The following KANSL3 variants were observed in gnomAD, a reference collection of about 807,000 sequenced individuals.
KANSL3 encodes the protein KAT8 regulatory NSL complex subunit 3, also known as NSL complex protein NSL3.
A neutral mutation model predicts 89.2 loss-of-function variants in KANSL3; 16 were observed. That is an observed-to-expected ratio of 0.18 (90% CI 0.12 to 0.27). The LOEUF (loss-of-function observed/expected upper bound fraction) is 0.27, where lower values mean the gene tolerates loss of function less well. Ranked by LOEUF, KANSL3 falls within the 10% of genes least tolerant of loss-of-function variation. The pLI, the probability that KANSL3 is intolerant of heterozygous loss-of-function variation, is 1.00. For synonymous variants in KANSL3, 385 were observed against 419.7 expected, an observed-to-expected ratio of 0.92 and a Z score of 1.01; for missense variants, 879 against 1,110.6, an observed-to-expected ratio of 0.79 and a Z score of 2.96.
Position 96,619,782 on chromosome 2 carries a change from G to A in KANSL3, c.387-20C>T. 1 of 1,541,890 alleles carries A rather than the reference G, an allele frequency of 6.5e-7. No individual in the cohort carries two copies. Among genetic ancestry groups the A allele is most frequent in the Non-Finnish European group, 8.8e-7 (1 of 1,137,994 alleles). ...CCAGTCCTATAAGGGAAACTCTGAG[G>A]AATTATAGTCAAACCCTGGGGACGC... On this transcript the variant is annotated intron_variant, in intron 3 of 20. Transcript: ENST00000431828.
At chr2:96,592,661 C>T (rs1215614861), downstream of KANSL3, among the ~76,000 whole-genome samples, 1 of 152,216 alleles carries the variant, frequency 6.6e-6, no homozygotes, top group Non-Finnish European at 1.5e-5. Context: ...ACTGCTTCTG[C>T]CATTTCCTGC....
chr2:96,613,076 T>A, intron 6 of KANSL3, 142 bp from the exon 7 acceptor site: 1 of 628,684 alleles, frequency 1.6e-6, no homozygotes, highest in Non-Finnish European at 2.8e-6. Context: ...AAATAAATTA[T>A]TAATAATAGT....
rs2066343198 is a variant in KANSL3, at chr2:96,593,411, T to C, written c.*2200A>G. The C allele has an allele frequency of 4.6e-6, 2 of 431,134 alleles. No individual in the cohort carries two copies. Among genetic ancestry groups the C allele is most frequent in the Non-Finnish European group, 9.4e-6 (2 of 213,166 alleles). The allele number at this position is 431,134 out of a possible 1,614,324, so 26.7% of individuals were successfully genotyped here. ...ACATTTTCTATCAATAATATTGCCT[T>C]CTGAGGTTATGGATTCCAGGTCTTC... is the stretch of plus-strand genomic sequence containing the variant. On this transcript the variant is annotated 3_prime_UTR_variant, in exon 21 of 21. Coordinates refer to ENST00000431828, the MANE Select transcript of KANSL3 (RefSeq NM_001115016.3).
rs2067742531 is a variant in KANSL3 at position 96,604,892 on chromosome 2, G to C, written c.1934-29C>G. 5 of 1,558,586 alleles carry C rather than the reference G, an allele frequency of 3.2e-6. No individual in the cohort carries two copies. The South Asian group carries it at 4.7e-5, about 15-fold the overall frequency. On this transcript the variant is annotated intron_variant, in intron 15 of 20. Transcript: ENST00000431828. ...CAAAACAGAAAACCCCAAGGCCCCTGGTCAGTCCTATTTGGCCTCTATGTT... is the reference window on the plus strand; with the variant it reads ...CAAAACAGAAAACCCCAAGGCCCCTCGTCAGTCCTATTTGGCCTCTATGTT...
chr2:96,610,752 C>A lies in KANSL3; in HGVS notation c.1293G>T (p.Val431=). ...TGAGATTGTCATCAGCTCCCCCAAC[C>A]ACCACCAAGCTGTTCTCAGCTCGAA... ...EKIRAENSLV[V]VGGADDNLRI... is the part of the protein sequence containing the mutation. The change falls in exon 11 of 21, where the codon GTG becomes GTT. Residue 431 remains valine (V), a synonymous_variant. Coordinates refer to ENST00000431828, the MANE Select transcript of KANSL3 (RefSeq NM_001115016.3). 1 of 1,613,984 alleles carries A rather than the reference C, an allele frequency of 6.2e-7. No individual in the cohort carries two copies. The highest frequency in any genetic ancestry group is 1.3e-5 in the African/African-American group (1 of 75,046).
At chr2:96,613,951 G>A (rs1296614683) in intron 5 of KANSL3, among the ~76,000 whole-genome samples, 1 of 151,882 alleles carries the variant, frequency 6.6e-6, no homozygotes, top group Non-Finnish European at 1.5e-5. Flanking sequence ...CAAAAGGATG[G>A]GGACAATTAT....
intron 14 of KANSL3, among the ~76,000 whole-genome samples, chr2:96,607,693 G>A (rs964847065): frequency 6.6e-6 from 1 of 152,130 alleles, no homozygotes; most frequent in African/African-American, 2.4e-5. Context: ...TCTGGGTTTC[G>A]GTTCTGATCA....
chr2:96,633,008 C>G (rs150310499), intron 2 of KANSL3, among the ~76,000 whole-genome samples: 4 of 150,336 alleles, frequency 2.7e-5, no homozygotes, highest in African/African-American at 7.3e-5. Flanking sequence ...CAAGGGCTCA[C>G]AAGGGCTCAG....
chr2:96,611,460 A>G (rs1225938788), intron 9 of KANSL3, among the ~76,000 whole-genome samples: 2 of 152,178 alleles, frequency 1.3e-5, no homozygotes, highest in Admixed American at 6.5e-5. Flanking sequence ...TTCTCCACAA[A>G]TAGTAAATAT....
intron 3 of KANSL3, 63 bp downstream of exon 3, chr2:96,631,249 T>G: frequency 8.2e-7 from 1 of 1,226,264 alleles, no homozygotes; most frequent in Non-Finnish European, 1.2e-6. Context: ...ATAAGTGTTA[T>G]TTCAATGAAG....
chr2:96,607,641 A>G (rs2068207729), intron 14 of KANSL3, among the ~76,000 whole-genome samples: 1 of 151,576 alleles, frequency 6.6e-6, no homozygotes, highest in Non-Finnish European at 1.5e-5. Flanking sequence ...TCACACTTCT[A>G]CTCCTTGTTA....
Position 96,619,427 on chromosome 2 carries a change from G to A in KANSL3, c.595C>T (p.Leu199Phe), listed in dbSNP as rs1358878944. 6.2e-7 allele frequency: 1 copy of A among 1,613,894 alleles called. No homozygotes were observed. Among genetic ancestry groups the A allele is most frequent in the South Asian group, 1.1e-5 (1 of 91,014 alleles). Residue 199 changes from leucine to phenylalanine, a missense_variant, in exon 5 of 21, where the codon CTT becomes TTT. This residue lies in a region of KANSL3 where 210 missense variants were observed against 311.9 expected (regional missense o/e 0.67). Coordinates refer to ENST00000431828, the MANE Select transcript of KANSL3 (RefSeq NM_001115016.3). Reference protein sequence around the residue: ...TKLIQWLHTTLVETLSLPMLA... With the variant: ...TKLIQWLHTTFVETLSLPMLA... The stretch of plus-strand genomic sequence containing the variant: ...ATGGGCAGACTCAAGGTCTCCACAA[G>A]GGTGGTGTGCAGCCACTGGATCAGC...
In KANSL3 at chr2:96,636,981, C is replaced by A; in HGVS notation, c.155G>T (p.Ser52Ile). 6.4e-7 allele frequency: 1 copy of A among 1,551,150 alleles called. No homozygotes were observed. The highest frequency in any genetic ancestry group is 8.7e-7 in the Non-Finnish European group (1 of 1,146,694). Reference protein sequence around the residue: ...AKPWSAHPDASSARPTRMLFV... With the variant: ...AKPWSAHPDAISARPTRMLFV... ...GAGCATGCGGGTGGGGCGGGCACTA[C>A]TGGCATCTGGGTGGGCACTCCAAGG... Residue 52 changes from serine to isoleucine, a missense_variant, in exon 2 of 21, where the codon AGT (serine) becomes ATT (isoleucine). Coordinates refer to ENST00000431828, the MANE Select transcript of KANSL3 (RefSeq NM_001115016.3).
Position 96,608,849 on chromosome 2 carries a change from C to T in KANSL3, c.1584+15G>A, listed in dbSNP as rs1573387601. On this transcript the variant is annotated intron_variant, in intron 13 of 20. Transcript: ENST00000431828. ...TGATTCCCCAGCAAAAGCGCTCCCT[C>T]CCTGCTCACACTACCTCTGAGCCTG... 1 of 1,556,260 alleles carries T rather than the reference C, an allele frequency of 6.4e-7. No homozygotes were observed. The highest frequency in any genetic ancestry group is 1.4e-5 in the African/African-American group (1 of 73,746).
chr2:96,601,993 A>T (rs1340557262), intron 19 of KANSL3, 123 bp downstream of exon 19: 38 of 1,184,192 alleles, frequency 3.2e-5, no homozygotes, highest in Middle Eastern at 2.2e-4. Context: ...GCTGAATCCA[A>T]AGGTCAATGC....
At chr2:96,595,922 GTCA>G (rs1273076132) in intron 20 of KANSL3, among the ~76,000 whole-genome samples, 1 of 152,136 alleles carries the variant, frequency 6.6e-6, no homozygotes, top group Non-Finnish European at 1.5e-5. Flanking sequence ...ACTTTCCAGG[GTCA>G]CCGTAAGGAT....
chr2:96,600,316 C>A, intron 20 of KANSL3: 1 of 535,398 alleles, frequency 1.9e-6, no homozygotes, highest in South Asian at 8.2e-5. Flanking sequence ...GGAGTAGCAT[C>A]ATGGGAAACT....
In KANSL3 at chr2:96,593,276, C is replaced by T; in HGVS notation, c.*2335G>A. 4.4e-6 allele frequency: 2 copies of T among 456,078 alleles called. No individual in the cohort carries two copies. The highest frequency in any genetic ancestry group is 4.4e-6 in the Non-Finnish European group (1 of 226,802). 28.3% of individuals were successfully genotyped at this position (456,078 alleles called of 1,614,324 possible). A position where few individuals can be genotyped will look rare whatever the true frequency, so the allele number is the denominator to read the frequency against. ...CCCAAGACTGTTCTAGTGGTGAAACCAAGAGTAGACAGGTCTTCCTACCTC... is the reference window on the plus strand; with the variant it reads ...CCCAAGACTGTTCTAGTGGTGAAACTAAGAGTAGACAGGTCTTCCTACCTC... On this transcript the variant is annotated 3_prime_UTR_variant, in exon 21 of 21. Coordinates refer to ENST00000431828, the MANE Select transcript of KANSL3 (RefSeq NM_001115016.3).
the KANSL3 span, among the ~76,000 whole-genome samples, chr2:96,585,164 T>C: frequency 6.6e-6 from 1 of 152,284 alleles, no homozygotes; most frequent in South Asian, 2.1e-4. Context: ...AAAAAGCTTC[T>C]GCACAGCAAA....
Sources: allele counts gnomAD v4.1 joint callset (sites outside exome capture counted in the v4.1 genomes callset), GRCh38; gene constraint gnomAD v4.1.1; regional missense constraint gnomAD v4.1.1; transcripts MANE v1.5; gene names NCBI Gene and HGNC (gene_info 2026-07-23, HGNC 2026-07-21).